The following ELOVL2 variants were observed in gnomAD, a reference collection of about 807,000 sequenced individuals.
ELOVL2 encodes ELOVL fatty acid elongase 2.
Under a neutral mutation model 37.7 loss-of-function variants are expected in ELOVL2, and 38 were observed. That is an observed-to-expected ratio of 1.01 (90% CI 0.78 to 1.32). The LOEUF (loss-of-function observed/expected upper bound fraction) is 1.32, where lower values mean the gene tolerates loss of function less well. Ranked by LOEUF, ELOVL2 falls within the 40% of genes most tolerant of loss-of-function variation. The pLI is 0.00. For missense variants in ELOVL2, 352 were observed against 363.6 expected, an observed-to-expected ratio of 0.97 and a Z score of 0.26; for synonymous variants, 115 against 122.3, an observed-to-expected ratio of 0.94 and a Z score of 0.40.
rs759724801 is a variant in ELOVL2 at position 10,995,122 on chromosome 6, T to C, written c.390A>G (p.Thr130=). The C allele has an allele frequency of 6.2e-7, 1 of 1,613,626 alleles. No homozygotes were observed. The change falls in exon 5 of 8, where the codon ACA becomes ACG. Residue 130 remains threonine, a synonymous_variant. Transcript: ENST00000354666. ...TTTTTTTCCGCAAAACGAAGAAAAT[T>C]GTGTCCAGGAACTCTACTGATTTGG... ...YFSKSVEFLD[T]IFFVLRKKTS...
chr6:11,041,951 CCACT>C (rs1660822819), intron 1 of ELOVL2, among the ~76,000 whole-genome samples: 1 of 152,004 alleles, frequency 6.6e-6, no homozygotes, highest in South Asian at 2.1e-4. Flanking sequence ...CTGAACTGAC[CCACT>C]AAGTTATTTA....
intron 7 of ELOVL2, among the ~76,000 whole-genome samples, chr6:10,985,864 G>A (rs2113463069): frequency 6.6e-6 from 1 of 152,202 alleles, no homozygotes; most frequent in East Asian, 1.9e-4. Context: ...CTTTAAAGTA[G>A]TTTTTTCCAA....
intron 1 of ELOVL2, among the ~76,000 whole-genome samples, chr6:11,020,374 C>T (rs1446996121): frequency 3.3e-5 from 5 of 152,082 alleles, no homozygotes; most frequent in Non-Finnish European, 7.4e-5. Flanking sequence ...CAAAGATTAG[C>T]GATAAGAGTA....
At chr6:11,009,754 G>A (rs980700788) in intron 2 of ELOVL2, among the ~76,000 whole-genome samples, 15 of 152,304 alleles carry the variant, frequency 9.8e-5, no homozygotes, top group African/African-American at 2.9e-4. Context: ...CCAAGGGTGC[G>A]CAGTCCATGA....
chr6:10,995,139 C>G lies in ELOVL2; in HGVS notation c.373G>C (p.Val125Leu). ...VLWWYYFSKS[V>L]EFLDTIFFVL... ...AAGAAAATTGTGTCCAGGAACTCTACTGATTTGGAGAAATAGTACCACCAA... is the reference window on the plus strand; with the variant it reads ...AAGAAAATTGTGTCCAGGAACTCTAGTGATTTGGAGAAATAGTACCACCAA... Residue 125 changes from valine to leucine, a missense_variant, in exon 5 of 8, where the codon GTA (valine) becomes CTA (leucine). Coordinates refer to ENST00000354666, the MANE Select transcript of ELOVL2 (RefSeq NM_017770.4). The G allele has an allele frequency of 6.2e-7, 1 of 1,613,180 alleles. No individual in the cohort carries two copies.
intron 7 of ELOVL2, among the ~76,000 whole-genome samples, chr6:10,987,881 T>C (rs2113467415): frequency 6.6e-6 from 1 of 151,916 alleles, no homozygotes; most frequent in South Asian, 2.1e-4. Flanking sequence ...TCGCATCTCA[T>C]TTTCACTTTT....
intron 3 of ELOVL2, among the ~76,000 whole-genome samples, chr6:11,000,403 C>A (rs1228390035): frequency 1.3e-5 from 2 of 152,000 alleles, no homozygotes; most frequent in Non-Finnish European, 2.9e-5. Context: ...ACTACATTGG[C>A]CAAAATAACA....
At chr6:10,994,931 G>A (rs867716081) in intron 5 of ELOVL2, 76 bp downstream of exon 5, 24 of 1,194,490 alleles carry the variant, frequency 2.0e-5, no homozygotes, top group Middle Eastern at 5.4e-4. Flanking sequence ...ATCTGCATGC[G>A]ATGCTTAATA....
In ELOVL2 at chr6:11,005,483, T is replaced by C. The variant is rs887736421; in HGVS notation, c.144A>G (p.Ser48=). ...TCATATACTTGTTACCCAGCCATATTGAGAGCAGATACATGACAGTAAGAA... is the reference window on the plus strand; with the variant it reads ...TCATATACTTGTTACCCAGCCATATCGAGAGCAGATACATGACAGTAAGAA... The part of the protein sequence containing the change: ...TFFLTVMYLL[S]IWLGNKYMKN... The change falls in exon 3 of 8, where the codon TCA becomes TCG. Residue 48 remains serine, a synonymous_variant. Coordinates refer to ENST00000354666, the MANE Select transcript of ELOVL2 (RefSeq NM_017770.4). 1 of 1,613,992 alleles carries C rather than the reference T, an allele frequency of 6.2e-7. No individual in the cohort carries two copies. Among genetic ancestry groups the C allele is most frequent in the Non-Finnish European group, 8.5e-7 (1 of 1,179,994 alleles).
At chr6:11,003,976 G>C (rs986785743) in intron 3 of ELOVL2, among the ~76,000 whole-genome samples, 22 of 151,856 alleles carry the variant, frequency 1.4e-4, no homozygotes, top group African/African-American at 5.3e-4. Context: ...CCAGCCACTC[G>C]TGAGGCTGAG....
chr6:10,996,233 C>T (rs1403430464), intron 4 of ELOVL2, among the ~76,000 whole-genome samples: 1 of 152,078 alleles, frequency 6.6e-6, no homozygotes. Context: ...CGGCCGCAAC[C>T]GTCTTAATGT....
chr6:11,037,185 G>A (rs1236396998), intron 1 of ELOVL2, among the ~76,000 whole-genome samples: 1 of 151,094 alleles, frequency 6.6e-6, no homozygotes, highest in African/African-American at 2.4e-5. Context: ...GAGGCAGAGA[G>A]GGAAAGAGAG....
At chr6:10,992,375 A>AAGAC (rs538843318) in intron 5 of ELOVL2, among the ~76,000 whole-genome samples, 98 of 152,218 alleles carry the variant, frequency 6.4e-4, no homozygotes, top group Non-Finnish European at 1.2e-3. Flanking sequence ...TCTTGAGAAC[A>AAGAC]AGACAGTATC....
In ELOVL2 at chr6:11,044,103, C is replaced by G; in HGVS notation, c.3+125G>C. 8.2e-7 allele frequency: 1 copy of G among 1,220,964 alleles called. No individual in the cohort carries two copies. The highest frequency in any genetic ancestry group is 2.0e-5 in the South Asian group (1 of 48,996). 75.6% of individuals were successfully genotyped at this position (1,220,964 alleles called of 1,614,324 possible). A position where few individuals can be genotyped will look rare whatever the true frequency, so the allele number is the denominator to read the frequency against. On this transcript the variant is annotated intron_variant, in intron 1 of 7. Transcript: ENST00000354666. The surrounding 1 kb of genome is among the most constrained non-coding windows in gnomAD (Gnocchi z 5.6). The stretch of plus-strand genomic sequence containing the variant: ...GCGGACCCGGCCCCTCCGAGGGTAG[C>G]GGGTTCCAGCGGCGAACCCGCAGCG...
chr6:10,992,681 C>T (rs555104145), intron 5 of ELOVL2, among the ~76,000 whole-genome samples: 100 of 104,626 alleles, frequency 9.6e-4, no homozygotes, highest in African/African-American at 3.5e-3. Context: ...CCCAGCTACT[C>T]GGGAGGCTGA....
chr6:11,030,714 G>A (rs966397880), intron 1 of ELOVL2, among the ~76,000 whole-genome samples: 1 of 152,002 alleles, frequency 6.6e-6, no homozygotes. Flanking sequence ...GAATGGTCTC[G>A]ATCTCCTGAC....
chr6:10,992,891 A>AAC (rs951108176), intron 5 of ELOVL2, among the ~76,000 whole-genome samples: 1 of 152,278 alleles, frequency 6.6e-6, no homozygotes, highest in African/African-American at 2.4e-5. Flanking sequence ...TATCATACAA[A>AAC]ACAGAGAAAT....
chr6:10,986,416 T>A (rs1188592870), intron 7 of ELOVL2, among the ~76,000 whole-genome samples: 1 of 152,246 alleles, frequency 6.6e-6, no homozygotes, highest in African/African-American at 2.4e-5. Context: ...AGGGCATCCC[T>A]GTCTTGTGCC....
At chr6:11,040,400 G>C (rs1489236854) in intron 1 of ELOVL2, among the ~76,000 whole-genome samples, 1 of 151,896 alleles carries the variant, frequency 6.6e-6, no homozygotes, top group African/African-American at 2.4e-5. Flanking sequence ...CCTGAACTGA[G>C]ATGCACTCTA....
Sources: allele counts gnomAD v4.1 joint callset (sites outside exome capture counted in the v4.1 genomes callset), GRCh38; gene constraint gnomAD v4.1.1; non-coding constraint Gnocchi (gnomAD v3.1); transcripts MANE v1.5; gene names NCBI Gene and HGNC (gene_info 2026-07-23, HGNC 2026-07-21).